The following KIF5A variants were observed in gnomAD, a reference collection of about 807,000 sequenced individuals.
The protein encoded by KIF5A is kinesin heavy chain isoform 5A.
KIF5A carries 35 observed loss-of-function variants against 141.3 expected under a neutral mutation model. The ratio of observed to expected loss-of-function variants is 0.25; its 90% CI spans 0.19 to 0.33. KIF5A has a LOEUF of 0.33. Among genes scored for constraint, KIF5A ranks in the 10% least tolerant of loss-of-function variants. KIF5A has a pLI of 1.00. For missense variants in KIF5A, 861 were observed against 1,314.3 expected (o/e 0.66, Z 5.33); for synonymous variants, 448 against 500.2 (o/e 0.90, Z 1.39).
At position 57,576,747 on chromosome 12, in the gene KIF5A, C is replaced by T. The variant is rs1192985954; in HGVS notation, c.2199-14C>T. On this transcript the variant is annotated splice_polypyrimidine_tract_variant and intron_variant, in intron 19 of 28. Transcript: ENST00000455537. ...CTTTCTCCCCCATCTCCATTACCTT[C>T]TGATGCTCTGTAGCCTAAATCAGAA... 1 of 1,596,526 alleles carries T rather than the reference C, an allele frequency of 6.3e-7. No individual in the cohort carries two copies. The highest frequency in any genetic ancestry group is 8.6e-7 in the Non-Finnish European group (1 of 1,164,492).
At chr12:57,551,514 G>A (rs1881572121) in intron 1 of KIF5A, among the ~76,000 whole-genome samples, 1 of 152,172 alleles carries the variant, frequency 6.6e-6, no homozygotes, top group Non-Finnish European at 1.5e-5. Context: ...AGGTTGGTAG[G>A]GACCTCAGGC....
rs1238758469 is a variant in KIF5A, at chr12:57,585,338, G to C, written c.*1157G>C. Reference sequence around the variant, plus strand: ...GTTCCTTCTCTAATGTCCCCATCTGGTATTAAGTGCACTTTAAAGAAAGGG... The same window carrying C: ...GTTCCTTCTCTAATGTCCCCATCTGCTATTAAGTGCACTTTAAAGAAAGGG... On this transcript the variant is annotated 3_prime_UTR_variant, in exon 29 of 29. Coordinates refer to ENST00000455537, the MANE Select transcript of KIF5A (RefSeq NM_004984.4). 6.5e-6 allele frequency: 1 copy of C among 154,118 alleles called. No homozygotes were observed. The highest frequency in any genetic ancestry group is 1.5e-5 in the Non-Finnish European group (1 of 68,194). 9.5% of individuals were successfully genotyped at this position (154,118 alleles called of 1,614,324 possible).
chr12:57,579,032 C>G (rs1882515006), intron 23 of KIF5A, among the ~76,000 whole-genome samples: 1 of 152,046 alleles, frequency 6.6e-6, no homozygotes, highest in Non-Finnish European at 1.5e-5. Flanking sequence ...CCACTGCACT[C>G]CAGCCTAGGT....
At chr12:57,551,872 GTCTCTCTCTCTCTCTCTC>G (rs57562029) in intron 1 of KIF5A, among the ~76,000 whole-genome samples, 1 of 145,776 alleles carries the variant, frequency 6.9e-6, no homozygotes, top group African/African-American at 2.5e-5. Context: ...GATGCTTTTG[GTCTCTCTCTCTCTCTCTC>G]TCTCTCTCTC....
chr12:57,579,382 C>T (rs1007312218), intron 23 of KIF5A, among the ~76,000 whole-genome samples: 2 of 152,204 alleles, frequency 1.3e-5, no homozygotes, highest in Non-Finnish European at 2.9e-5. Context: ...ACCTATACTT[C>T]ATTCCTTTCC....
intron 1 of KIF5A, among the ~76,000 whole-genome samples, chr12:57,555,262 T>C (rs1401974211): frequency 6.6e-6 from 1 of 152,182 alleles, no homozygotes; most frequent in Non-Finnish European, 1.5e-5. Context: ...TTCCCATGTC[T>C]ATGGGCAGGA....
chr12:57,563,302 G>A (rs1369369446), intron 1 of KIF5A, 137 bp from the exon 2 acceptor site: 5 of 729,174 alleles, frequency 6.9e-6, no homozygotes, highest in Non-Finnish European at 1.2e-5. Context: ...ACCACGCCCG[G>A]CCATTCTCCC....
chr12:57,564,520 G>A lies in KIF5A; in HGVS notation c.445+12G>A. 1.2e-6 allele frequency: 2 copies of A among 1,602,138 alleles called. No homozygotes were observed. Among genetic ancestry groups the A allele is most frequent in the Non-Finnish European group, 8.6e-7 (1 of 1,169,402 alleles). On this transcript the variant is annotated intron_variant, in intron 5 of 28. Transcript: ENST00000455537. ...TGACCTTCTGGATGGTGAGTGTTTT[G>A]TCCCAGTGGATGAGGGTGTGTGAGG...
intron 19 of KIF5A, 83 bp downstream of exon 19, chr12:57,576,461 A>G: frequency 2.0e-6 from 2 of 1,018,872 alleles, no homozygotes; most frequent in Non-Finnish European, 3.0e-6. Flanking sequence ...TCTGGGTCTG[A>G]TTCTTTAACA....
intron 28 of KIF5A, 41 bp downstream of exon 28, chr12:57,583,256 T>TA: frequency 5.6e-6 from 7 of 1,252,362 alleles, no homozygotes; most frequent in Non-Finnish European, 6.9e-6. Flanking sequence ...TCAGGTTGCT[T>TA]CCCTTCTTGC....
chr12:57,564,987 T>G lies in KIF5A; in HGVS notation c.501+14T>G, dbSNP rs1390821714. 1 of 1,612,960 alleles carries G rather than the reference T, an allele frequency of 6.2e-7. No individual in the cohort carries two copies. The highest frequency in any genetic ancestry group is 1.7e-5 in the Admixed American group (1 of 59,998). ...CCATTTGTCAAGGTGAGAGTGGGTGTGGGGCACCTATGTGGGGCCAGTGTA... is the reference window on the plus strand; with the variant it reads ...CCATTTGTCAAGGTGAGAGTGGGTGGGGGGCACCTATGTGGGGCCAGTGTA... On this transcript the variant is annotated intron_variant, in intron 6 of 28. Coordinates refer to ENST00000455537, the MANE Select transcript of KIF5A (RefSeq NM_004984.4).
At chr12:57,567,671 T>C (rs1882109340) in intron 8 of KIF5A, 53 bp downstream of exon 8, 1 of 1,530,514 alleles carries the variant, frequency 6.5e-7, no homozygotes, top group Non-Finnish European at 8.7e-7. Context: ...CTTTTTTTTT[T>C]TTTTTTTGAG....
At chr12:57,565,991 C>A (rs979633511) in intron 6 of KIF5A, among the ~76,000 whole-genome samples, 2 of 151,564 alleles carry the variant, frequency 1.3e-5, no homozygotes, top group Admixed American at 6.6e-5. Flanking sequence ...CCCAGCTACT[C>A]AGGAGGCTGA....
Position 57,575,177 on chromosome 12 carries a change from C to A in KIF5A, c.1810C>A (p.Arg604=). Residue 604 remains arginine (R), a synonymous_variant, in exon 16 of 29, where the codon CGG becomes AGG. Coordinates refer to ENST00000455537, the MANE Select transcript of KIF5A (RefSeq NM_004984.4). ...IKSEVKSVVK[R]CRQLENLQVE... is the part of the protein sequence containing the mutation. Reference sequence around the variant, plus strand: ...ATCAGAAGTCAAGTCTGTGGTCAAGCGGTGCCGGCAGCTGGAGAACCTCCA... The same window carrying A: ...ATCAGAAGTCAAGTCTGTGGTCAAGAGGTGCCGGCAGCTGGAGAACCTCCA... 6.2e-7 allele frequency: 1 copy of A among 1,613,948 alleles called. No homozygotes were observed. Among genetic ancestry groups the A allele is most frequent in the South Asian group, 1.1e-5 (1 of 91,040 alleles).
In KIF5A at chr12:57,570,013, C is replaced by T. The variant is rs1882196519; in HGVS notation, c.1144C>T (p.Leu382=). 1.9e-6 allele frequency: 3 copies of T among 1,613,658 alleles called. No individual in the cohort carries two copies. The highest frequency in any genetic ancestry group is 1.1e-5 in the South Asian group (1 of 91,068). Residue 382 remains leucine, a synonymous_variant, in exon 12 of 29, where the codon CTG becomes TTG. Coordinates refer to ENST00000455537, the MANE Select transcript of KIF5A (RefSeq NM_004984.4). ...AGAGAATGTGCCTGAGACAGAGCGC[C>T]TGGCTGGGGAGGAGGCAGCCCTGGG... is the stretch of plus-strand genomic sequence containing the variant. The part of the protein sequence containing the change: ...NGENVPETER[L]AGEEAALGAE...
At chr12:57,570,231 G>A (rs928563106) in intron 12 of KIF5A, 69 bp downstream of exon 12, 31 of 1,415,496 alleles carry the variant, frequency 2.2e-5, no homozygotes, top group African/African-American at 2.8e-5. Flanking sequence ...AAAGAAAATC[G>A]CTTATATTGC....
Position 57,564,181 on chromosome 12 carries a change from C to T in KIF5A, c.365C>T (p.Ser122Phe). The T allele has an allele frequency of 6.2e-7, 1 of 1,613,328 alleles. No homozygotes were observed. Among genetic ancestry groups the T allele is most frequent in the Non-Finnish European group, 8.5e-7 (1 of 1,179,300 alleles). Residue 122 changes from serine to phenylalanine, a missense_variant, in exon 4 of 29, where the codon TCC (serine) becomes TTC (phenylalanine). By Grantham distance (155) the Ser-to-Phe change is radical. Around this residue, in one of 5 missense-constraint regions of KIF5A, gnomAD observed 146 missense variants for 353.4 expected, o/e 0.41. Coordinates refer to ENST00000455537, the MANE Select transcript of KIF5A (RefSeq NM_004984.4). The stretch of plus-strand genomic sequence containing the variant: ...CGAGACATCTTCAACCACATCTACT[C>T]CATGGATGAGAACCTTGAGTTCCAC... ...IARDIFNHIY[S>F]MDENLEFHIK...
At chr12:57,581,784 A>G (rs1466351728) in intron 25 of KIF5A, 86 bp from the exon 26 acceptor site, 16 of 1,349,058 alleles carry the variant, frequency 1.2e-5, no homozygotes, top group East Asian at 4.6e-5. Flanking sequence ...GAGCAGCTCT[A>G]TCACTGAGGA....
chr12:57,550,301 C>A lies in KIF5A; in HGVS notation c.30C>A (p.Ile10=), dbSNP rs781490660. MAETNNECS[I]KVLCRFRPLN... ...CGGAGACCAACAACGAATGTAGCAT[C>A]AAGGTGCTCTGCCGATTCCGGCCCC... Residue 10 remains isoleucine (I), a synonymous_variant, in exon 1 of 29, where the codon ATC becomes ATA. Transcript: ENST00000455537. The surrounding 1 kb of genome is among the most constrained non-coding windows in gnomAD (Gnocchi z 4.6). 1.2e-6 allele frequency: 2 copies of A among 1,614,200 alleles called. No homozygotes were observed. Among genetic ancestry groups the A allele is most frequent in the Admixed American group, 3.3e-5 (2 of 60,032 alleles).
Sources: gnomAD v4.1 joint callset for allele counts (sites outside exome capture counted in the v4.1 genomes callset) on GRCh38, gnomAD v4.1.1 for gene constraint, gnomAD v4.1.1 regional missense constraint, Gnocchi (gnomAD v3.1) non-coding constraint, MANE v1.5 for transcripts, NCBI Gene and HGNC (gene_info 2026-07-23, HGNC 2026-07-21) for gene names.